The following LIMK1 variants were observed in gnomAD, a reference collection of about 807,000 sequenced individuals.
LIMK1 encodes the protein LIM motif-containing protein kinase.
In LIMK1, 21 loss-of-function variants were observed where a neutral mutation model predicts 77.6. The observed-to-expected ratio is 0.27, with a 90% CI of 0.19 to 0.39. LIMK1 has a LOEUF of 0.39. Ranked by LOEUF, LIMK1 falls within the 10% of genes least tolerant of loss-of-function variation. The probability of loss-of-function intolerance (pLI) is 1.00; values close to 1 mark genes in which losing one functional copy is unlikely to be tolerated. For synonymous variants in LIMK1, 358 were observed against 370.0 expected (o/e 0.97, Z 0.37); for missense variants, 696 against 901.6 (o/e 0.77, Z 2.92).
intron 2 of LIMK1, among the ~76,000 whole-genome samples, chr7:74,093,728 G>A (rs1799282452): frequency 6.6e-6 from 1 of 152,266 alleles, no homozygotes; most frequent in South Asian, 2.1e-4. Context: ...GTGGGGCCAG[G>A]GCATGGCTCT....
At chr7:74,119,469 G>A (rs2115767023) in intron 13 of LIMK1, among the ~76,000 whole-genome samples, 1 of 151,686 alleles carries the variant, frequency 6.6e-6, no homozygotes, top group East Asian at 2.0e-4. Flanking sequence ...GTGAACCACT[G>A]TGCCCGGCCA....
intron 9 of LIMK1, 31 bp downstream of exon 9, chr7:74,107,988 G>A: frequency 6.6e-7 from 1 of 1,505,238 alleles, no homozygotes; most frequent in Non-Finnish European, 9.1e-7. Context: ...CTTCCCTCCA[G>A]AGGGACTTCC....
In LIMK1 at chr7:74,083,926, G is replaced by T; in HGVS notation, c.-65G>T. 2.5e-6 allele frequency: 1 copy of T among 396,054 alleles called. No homozygotes were observed. 24.5% of individuals were successfully genotyped at this position (396,054 alleles called of 1,614,324 possible). A position where few individuals can be genotyped will look rare whatever the true frequency, so the allele number is the denominator to read the frequency against. On this transcript the variant is annotated 5_prime_UTR_variant, in exon 1 of 16. Coordinates refer to ENST00000336180, the MANE Select transcript of LIMK1 (RefSeq NM_002314.4). ...CCGCCTCCCCGGGCCGGCGGCGGTG[G>T]GCGAGCTCGCGGGCCCGGCCGCCCC...
chr7:74,095,927 T>A (rs1178657646), intron 2 of LIMK1, among the ~76,000 whole-genome samples: 3 of 151,162 alleles, frequency 2.0e-5, no homozygotes, highest in African/African-American at 7.3e-5. Context: ...GTGGCTTTGA[T>A]GACCCTGCAC....
chr7:74,103,023 A>G (rs113236210), intron 5 of LIMK1, among the ~76,000 whole-genome samples: 64 of 151,886 alleles, frequency 4.2e-4, no homozygotes, highest in African/African-American at 1.5e-3. Flanking sequence ...GTGCACCATT[A>G]TGCATGCCTA....
chr7:74,101,378 A>T (rs1799455838), intron 5 of LIMK1, among the ~76,000 whole-genome samples: 1 of 152,344 alleles, frequency 6.6e-6, no homozygotes, highest in Admixed American at 6.5e-5. Context: ...GCAGCGGCTC[A>T]TGCCTGTTAT....
rs1799917275 is a variant in LIMK1, at chr7:74,120,724, C to T, written c.1623+86C>T. 12 of 1,561,934 alleles carry T rather than the reference C, an allele frequency of 7.7e-6. No individual in the cohort carries two copies. The Admixed American group carries it at 1.0e-4, about 13-fold the overall frequency. On this transcript the variant is annotated intron_variant, in intron 14 of 15. Transcript: ENST00000336180. Reference sequence around the variant, plus strand: ...CTGCAGGCTCAGCATCTGCAGGGGCCTCATGCCAGGAAGCCTGCCCACAGC... The same window carrying T: ...CTGCAGGCTCAGCATCTGCAGGGGCTTCATGCCAGGAAGCCTGCCCACAGC...
chr7:74,093,228 G>T, intron 2 of LIMK1: 1 of 1,535,620 alleles, frequency 6.5e-7, no homozygotes. Flanking sequence ...GACCTCCAGA[G>T]CCCCCAGTGT....
intron 13 of LIMK1, among the ~76,000 whole-genome samples, chr7:74,117,007 G>C (rs977347580): frequency 6.6e-6 from 1 of 151,808 alleles, no homozygotes; most frequent in African/African-American, 2.4e-5. Context: ...TCAGCCTCCC[G>C]AGTAGCTGGG....
At position 74,097,162 on chromosome 7, in the gene LIMK1, C is replaced by T. The variant is rs782027176; in HGVS notation, c.374C>T (p.Thr125Met). 1.5e-5 allele frequency: 24 copies of T among 1,612,194 alleles called. No homozygotes were observed. Among genetic ancestry groups the T allele is most frequent in the South Asian group, 7.7e-5 (7 of 90,872 alleles). Residue 125 changes from threonine (T) to methionine (M), a missense_variant, in exon 4 of 16, where the codon ACG becomes ATG. Transcript: ENST00000336180. ...TTTATCGGTGACGGGGACACCTACA[C>T]GCTGGTGGAGCACTCCAAGCTGTAC... ...GTFIGDGDTY[T>M]LVEHSKLYCG...
At chr7:74,100,396 G>A (rs1799430742) in intron 5 of LIMK1, among the ~76,000 whole-genome samples, 1 of 152,106 alleles carries the variant, frequency 6.6e-6, no homozygotes. Flanking sequence ...TTGAGAAGTA[G>A]CATGCAGTGT....
At position 74,096,633 on chromosome 7, in the gene LIMK1, G is replaced by T; in HGVS notation, c.164G>T (p.Cys55Phe). 1 of 1,614,050 alleles carries T rather than the reference G, an allele frequency of 6.2e-7. No individual in the cohort carries two copies. Among genetic ancestry groups the T allele is most frequent in the Non-Finnish European group, 8.5e-7 (1 of 1,180,032 alleles). ...WHADCFRCCD[C>F]SASLSHQYYE... The stretch of plus-strand genomic sequence containing the variant: ...CCCCTCTCCTGCAGGTGTTGTGACT[G>T]CAGTGCCTCCCTGTCGCACCAGTAC... The change falls in exon 3 of 16, where the codon TGC becomes TTC. Residue 55 changes from cysteine (C) to phenylalanine (F), a missense_variant. By Grantham distance (205) the Cys-to-Phe change is radical. Coordinates refer to ENST00000336180, the MANE Select transcript of LIMK1 (RefSeq NM_002314.4).
chr7:74,090,900 AG>A (rs1266740569), intron 2 of LIMK1, among the ~76,000 whole-genome samples: 1 of 151,982 alleles, frequency 6.6e-6, no homozygotes, highest in African/African-American at 2.4e-5. Context: ...CAACCCAGTA[AG>A]GGGGTGCTAT....
At position 74,107,919 on chromosome 7, in the gene LIMK1, C is replaced by T. The variant is rs781786589; in HGVS notation, c.1114C>T (p.Arg372Trp). 1.3e-6 allele frequency: 2 copies of T among 1,577,644 alleles called. No individual in the cohort carries two copies. Among genetic ancestry groups the T allele is most frequent in the South Asian group, 1.2e-5 (1 of 85,780 alleles). Residue 372 changes from arginine to tryptophan, a missense_variant, in exon 9 of 16, where the codon CGG becomes TGG. Around this residue, in one of 3 missense-constraint regions of LIMK1, gnomAD observed 438 missense variants for 602.3 expected, o/e 0.73. Coordinates refer to ENST00000336180, the MANE Select transcript of LIMK1 (RefSeq NM_002314.4). ...GEVMVMKELIRFDEETQRTFL... is the reference protein window; with the variant it reads ...GEVMVMKELIWFDEETQRTFL... ...GGTGATGGTGATGAAGGAGCTGATC[C>T]GGTTCGACGAGGAGACCCAGAGGAC... is the stretch of plus-strand genomic sequence containing the variant.
At chr7:74,111,761 A>G in intron 11 of LIMK1, 54 bp downstream of exon 11, 1 of 1,557,984 alleles carries the variant, frequency 6.4e-7, no homozygotes, top group South Asian at 1.1e-5. Context: ...GAATTTGCAA[A>G]CAGAACCCAC....
rs782117220 is a variant in LIMK1 at position 74,096,611 on chromosome 7, C to T, written c.153-11C>T. The T allele has an allele frequency of 5.0e-6, 8 of 1,613,866 alleles. No homozygotes were observed. Among genetic ancestry groups the T allele is most frequent in the African/African-American group, 4.0e-5 (3 of 74,948 alleles). On this transcript the variant is annotated splice_polypyrimidine_tract_variant and intron_variant, in intron 2 of 15. Transcript: ENST00000336180. Reference sequence around the variant, plus strand: ...GGGAGTGGACGTCTCAGCCCGGCCCCTCTCCTGCAGGTGTTGTGACTGCAG... The same window carrying T: ...GGGAGTGGACGTCTCAGCCCGGCCCTTCTCCTGCAGGTGTTGTGACTGCAG...
chr7:74,099,182 C>T lies in LIMK1; in HGVS notation c.552C>T (p.Pro184=). 2 of 1,611,986 alleles carry T rather than the reference C, an allele frequency of 1.2e-6. No homozygotes were observed. The highest frequency in any genetic ancestry group is 1.7e-6 in the Non-Finnish European group (2 of 1,180,028). ...GTGGACTTTCAGTCTCCATTGACCC[C>T]CCGCACGGCCCACCGGGCTGTGGCA... ...GKRGLSVSID[P]PHGPPGCGTE... The change falls in exon 5 of 16, where the codon CCC becomes CCT. Residue 184 remains proline, a synonymous_variant. Coordinates refer to ENST00000336180, the MANE Select transcript of LIMK1 (RefSeq NM_002314.4).
At chr7:74,107,656 G>A (rs1296323942) in intron 8 of LIMK1, among the ~76,000 whole-genome samples, 3 of 149,910 alleles carry the variant, frequency 2.0e-5, no homozygotes, top group African/African-American at 7.4e-5. Context: ...CTCCAGCCTG[G>A]GCAATAGAGC....
At chr7:74,085,718 A>G in intron 1 of LIMK1, 30 bp from the exon 2 acceptor site, 1 of 1,537,094 alleles carries the variant, frequency 6.5e-7, no homozygotes, top group Non-Finnish European at 8.8e-7. Flanking sequence ...CTTCCTGAGA[A>G]TGCTTCCCAA....
Sources: gnomAD v4.1 joint callset for allele counts (sites outside exome capture counted in the v4.1 genomes callset) on GRCh38, gnomAD v4.1.1 for gene constraint, gnomAD v4.1.1 regional missense constraint, MANE v1.5 for transcripts, NCBI Gene and HGNC (gene_info 2026-07-23, HGNC 2026-07-21) for gene names.